The following EDIL3 variants were observed in gnomAD, a reference collection of about 807,000 sequenced individuals.
EDIL3 encodes the protein EGF-like repeat and discoidin I-like domain-containing protein 3.
EDIL3 carries 37 observed loss-of-function variants against 67.4 expected under a neutral mutation model. The ratio of observed to expected loss-of-function variants is 0.55; its 90% CI spans 0.42 to 0.72. The LOEUF is 0.72. Ranked by LOEUF, EDIL3 falls within the 30% of genes least tolerant of loss-of-function variation. The probability of loss-of-function intolerance (pLI) is 0.00; values close to 1 mark genes in which losing one functional copy is unlikely to be tolerated. For missense variants in EDIL3, 527 were observed against 586.3 expected (o/e 0.90, Z 1.04); for synonymous variants, 195 against 196.3 (o/e 0.99, Z 0.05).
chr5:84,289,699 T>C (rs1207667094), intron 1 of EDIL3, among the ~76,000 whole-genome samples: 6 of 152,192 alleles, frequency 3.9e-5, no homozygotes, highest in Non-Finnish European at 8.8e-5. Flanking sequence ...CTTTCCTTAT[T>C]GATAGCATTC....
At chr5:84,232,402 A>G (rs111561467) in intron 2 of EDIL3, among the ~76,000 whole-genome samples, 1 of 152,002 alleles carries the variant, frequency 6.6e-6, no homozygotes, top group African/African-American at 2.4e-5. Flanking sequence ...GTGATGTCTA[A>G]GAAGGAAGAC....
intron 9 of EDIL3, among the ~76,000 whole-genome samples, chr5:84,024,270 C>G (rs76441656): frequency 0.01 from 1,565 of 152,190 alleles, 35 homozygotes; most frequent in African/African-American, 0.035. Context: ...TAAATACAAC[C>G]TGGTACTTTG....
At chr5:84,064,028 C>A (rs1253861393) in intron 8 of EDIL3, among the ~76,000 whole-genome samples, 1 of 152,090 alleles carries the variant, frequency 6.6e-6, no homozygotes, top group Non-Finnish European at 1.5e-5. Context: ...AAGTCCTCAT[C>A]TTTATAGCTA....
chr5:84,373,201 T>A (rs145670242), intron 1 of EDIL3, among the ~76,000 whole-genome samples: 1 of 152,234 alleles, frequency 6.6e-6, no homozygotes, highest in Non-Finnish European at 1.5e-5. Context: ...AAGATTTCTG[T>A]TTTTGGTTTG....
At chr5:84,169,742 T>TAGC (rs1748778648) in intron 4 of EDIL3, among the ~76,000 whole-genome samples, 1 of 151,844 alleles carries the variant, frequency 6.6e-6, no homozygotes, top group African/African-American at 2.4e-5. Flanking sequence ...CATTGCTGAG[T>TAGC]AGCAATTCCA....
intron 1 of EDIL3, among the ~76,000 whole-genome samples, chr5:84,346,375 A>G (rs1459200521): frequency 6.6e-6 from 1 of 152,104 alleles, no homozygotes; most frequent in Admixed American, 6.6e-5. Context: ...ACGATACATG[A>G]AAGAATGGGC....
intron 1 of EDIL3, among the ~76,000 whole-genome samples, chr5:84,333,453 G>T (rs1746917086): frequency 6.6e-6 from 1 of 152,038 alleles, no homozygotes; most frequent in Non-Finnish European, 1.5e-5. Context: ...CTGGTTTTCT[G>T]AACAAACAAC....
chr5:84,024,030 T>C (rs1263239464), intron 9 of EDIL3, among the ~76,000 whole-genome samples: 4 of 152,174 alleles, frequency 2.6e-5, no homozygotes, highest in African/African-American at 4.8e-5. Flanking sequence ...AACCATGGAC[T>C]GTAACTCAAT....
intron 3 of EDIL3, among the ~76,000 whole-genome samples, chr5:84,182,862 T>C (rs184627900): frequency 9.2e-5 from 14 of 152,274 alleles, no homozygotes; most frequent in Admixed American, 9.2e-4. Context: ...TTTATTTAAG[T>C]AGACAGTTTT....
intron 9 of EDIL3, among the ~76,000 whole-genome samples, chr5:83,971,266 AT>A (rs546461623): frequency 1.4e-4 from 21 of 151,214 alleles, no homozygotes; most frequent in Middle Eastern, 3.4e-3. Flanking sequence ...AAAGAAAAAA[AT>A]ATCCTTTTTT....
chr5:84,284,163 C>A (rs957211636), intron 1 of EDIL3, among the ~76,000 whole-genome samples: 4 of 152,102 alleles, frequency 2.6e-5, no homozygotes, highest in Non-Finnish European at 5.9e-5. Flanking sequence ...TGATTTGTCA[C>A]ATTCATTAGC....
intron 6 of EDIL3, among the ~76,000 whole-genome samples, chr5:84,073,641 G>A (rs1746789058): frequency 6.6e-6 from 1 of 151,746 alleles, no homozygotes; most frequent in South Asian, 2.1e-4. Flanking sequence ...AACTTACAAG[G>A]GATGTGAAGG....
intron 6 of EDIL3, chr5:84,078,888 T>C (rs1346465998): frequency 6.6e-6 from 1 of 152,174 alleles, no homozygotes; most frequent in Non-Finnish European, 1.5e-5. Flanking sequence ...GTGGTGACTC[T>C]TGATAGGCTC....
At chr5:84,016,187 G>A (rs1160817214) in intron 9 of EDIL3, among the ~76,000 whole-genome samples, 3 of 152,148 alleles carry the variant, frequency 2.0e-5, no homozygotes, top group Non-Finnish European at 4.4e-5. Context: ...CCTTTGTCAT[G>A]TTGTAAATCT....
chr5:84,042,809 C>T (rs1165296336), intron 9 of EDIL3, among the ~76,000 whole-genome samples: 4 of 152,148 alleles, frequency 2.6e-5, no homozygotes, highest in Admixed American at 2.6e-4. Context: ...TATTACTCAA[C>T]ACGTGGGAAA....
intron 9 of EDIL3, among the ~76,000 whole-genome samples, chr5:84,023,242 C>T (rs373140995): frequency 2.0e-5 from 3 of 151,838 alleles, no homozygotes; most frequent in Admixed American, 6.6e-5. Context: ...ATTTTTACTT[C>T]TCAATTAAAT....
intron 6 of EDIL3, among the ~76,000 whole-genome samples, chr5:84,071,411 G>A (rs1369764134): frequency 6.6e-6 from 1 of 152,178 alleles, no homozygotes; most frequent in Non-Finnish European, 1.5e-5. Flanking sequence ...GTAGTCTAAT[G>A]GAGAACAGAT....
At chr5:84,172,584 A>C (rs1466297055) in intron 4 of EDIL3, among the ~76,000 whole-genome samples, 1 of 152,088 alleles carries the variant, frequency 6.6e-6, no homozygotes, top group Non-Finnish European at 1.5e-5. Flanking sequence ...CTTGTCTCAA[A>C]AAAACAAAAC....
chr5:84,108,336 T>G (rs780980705), intron 5 of EDIL3, among the ~76,000 whole-genome samples: 1 of 152,098 alleles, frequency 6.6e-6, no homozygotes, highest in Non-Finnish European at 1.5e-5. Context: ...CAGACTGTAT[T>G]AGTAAAGACA....
Sources: allele counts gnomAD v4.1 joint callset (sites outside exome capture counted in the v4.1 genomes callset), GRCh38; gene constraint gnomAD v4.1.1; transcripts MANE v1.5; gene names NCBI Gene and HGNC (gene_info 2026-07-23, HGNC 2026-07-21).